Variants in PCDH15 observed in about 807,000 individuals in gnomAD.
The protein encoded by PCDH15 is protocadherin related 15.
PCDH15 carries 129 observed loss-of-function variants against 178.5 expected under a neutral mutation model. That is an observed-to-expected ratio of 0.72 (90% confidence interval 0.63 to 0.84). PCDH15 has a LOEUF of 0.84. Among genes scored for constraint, PCDH15 ranks in the 40% least tolerant of loss-of-function variants. PCDH15 has a pLI of 0.00. For missense variants in PCDH15, 2,230 were observed against 2,099.9 expected, an observed-to-expected ratio of 1.06 and a Z score of -1.21; for synonymous variants, 800 against 732.0, an observed-to-expected ratio of 1.09 and a Z score of -1.50.
intron 15 of PCDH15, among the ~76,000 whole-genome samples, chr10:54,127,734 G>A (rs943635593): frequency 1.3e-5 from 2 of 152,036 alleles, no homozygotes; most frequent in Admixed American, 6.6e-5. Context: ...GTTTGAATAA[G>A]GAATATCAGC....
intron 2 of PCDH15, chr10:54,606,945 T>G (rs539116748): frequency 6.6e-6 from 1 of 152,210 alleles, no homozygotes; most frequent in Non-Finnish European, 1.5e-5. Context: ...CTAAAGCTTT[T>G]AATGAAGAAT....
chr10:54,993,281 T>G (rs934630839), intron 2 of PCDH15, among the ~76,000 whole-genome samples: 4 of 152,210 alleles, frequency 2.6e-5, no homozygotes, highest in Non-Finnish European at 5.9e-5. Flanking sequence ...GAGTTGCTTA[T>G]AGCCAAATTT....
intron 10 of PCDH15, among the ~76,000 whole-genome samples, chr10:54,209,771 G>A (rs930195614): frequency 2.4e-4 from 36 of 152,014 alleles, no homozygotes; most frequent in African/African-American, 8.7e-4. Flanking sequence ...TTGAAAACTA[G>A]CAAATGTCAT....
chr10:54,054,222 A>G (rs2093835995), intron 18 of PCDH15, among the ~76,000 whole-genome samples: 1 of 152,162 alleles, frequency 6.6e-6, no homozygotes, highest in East Asian at 1.9e-4. Context: ...TAAGCATCTC[A>G]ATGTAAGTAA....
chr10:54,832,962 C>T (rs1953250323), intron 3 of PCDH15, among the ~76,000 whole-genome samples: 3 of 151,996 alleles, frequency 2.0e-5, no homozygotes, highest in Admixed American at 2.0e-4. Context: ...GAGAAACTAC[C>T]AGGTTTGTAC....
At chr10:54,426,068 A>G (rs1160704138) in intron 3 of PCDH15, among the ~76,000 whole-genome samples, 1 of 152,166 alleles carries the variant, frequency 6.6e-6, no homozygotes, top group African/African-American at 2.4e-5. Flanking sequence ...CATAAAACAA[A>G]CAGCTATCTA....
chr10:54,717,393 T>G lies in PCDH15; in HGVS notation c.-28-53103A>C, dbSNP rs889865392. 6.8e-5 allele frequency among the ~76,000 whole-genome samples: 9 copies of G among 132,748 alleles called. 1 individual carries two copies. Among genetic ancestry groups the G allele is most frequent in the African/African-American group, 8.8e-5 (3 of 33,946 alleles). 87.1% of individuals were successfully genotyped at this position (132,748 alleles called of 152,430 possible). A position where few individuals can be genotyped will look rare whatever the true frequency, so the allele number is the denominator to read the frequency against. ...AAGGGCTAATATCCAGAATCTACAA[T>G]GAACTCAAACAAATTTACAAGAAAA... is the stretch of plus-strand genomic sequence containing the variant. On this transcript the variant is annotated intron_variant, in intron 1 of 37. Coordinates refer to ENST00000644397, the MANE Select transcript of PCDH15 (RefSeq NM_001384140.1).
At chr10:54,532,116 T>C (rs752079548) in intron 2 of PCDH15, among the ~76,000 whole-genome samples, 18 of 152,324 alleles carry the variant, frequency 1.2e-4, no homozygotes, top group Middle Eastern at 6.8e-3. Context: ...TTTTCCTAAC[T>C]GCTTTCCTTA....
intron 1 of PCDH15, among the ~76,000 whole-genome samples, chr10:55,174,725 G>C (rs1038675290): frequency 6.6e-6 from 1 of 152,118 alleles, no homozygotes; most frequent in Non-Finnish European, 1.5e-5. Flanking sequence ...GATCCATCCT[G>C]TCCTCCCTAT....
chr10:53,944,029 T>C (rs2086310994), intron 23 of PCDH15, among the ~76,000 whole-genome samples: 1 of 152,120 alleles, frequency 6.6e-6, no homozygotes, highest in South Asian at 2.1e-4. Flanking sequence ...GGAGTTGGTA[T>C]AAATCAGGAT....
chr10:55,334,972 A>G (rs182557235), intron 2 of PCDH15, among the ~76,000 whole-genome samples: 25 of 152,314 alleles, frequency 1.6e-4, no homozygotes, highest in Admixed American at 1.3e-3. Context: ...ATTTTCATTA[A>G]TAAAAACCTG....
At chr10:54,806,063 T>C (rs566079715), upstream of PCDH15, among the ~76,000 whole-genome samples, 1 of 152,306 alleles carries the variant, frequency 6.6e-6, no homozygotes, top group Non-Finnish European at 1.5e-5. Flanking sequence ...GAAGTGCAGA[T>C]AATATTTGTA....
chr10:54,568,070 C>T (rs879705070), intron 2 of PCDH15, among the ~76,000 whole-genome samples: 1 of 151,914 alleles, frequency 6.6e-6, no homozygotes, highest in East Asian at 1.9e-4. Context: ...ATCAATTTTG[C>T]ACACCTTGGC....
intron 2 of PCDH15, among the ~76,000 whole-genome samples, chr10:54,609,304 G>T (rs971870818): frequency 2.0e-5 from 3 of 151,938 alleles, no homozygotes; most frequent in Non-Finnish European, 4.4e-5. Context: ...GAACATGTAG[G>T]CTCATAAACT....
chr10:53,955,101 C>T (rs2087479326), intron 23 of PCDH15, among the ~76,000 whole-genome samples: 1 of 152,158 alleles, frequency 6.6e-6, no homozygotes, highest in Admixed American at 6.5e-5. Flanking sequence ...AAATGTAGAC[C>T]CGTACCTGGA....
rs576487346 is a variant in PCDH15, at chr10:54,406,777, G to A, written c.158-27835C>T. Among the ~76,000 whole-genome samples the A allele has an allele frequency of 5.3e-5, 8 of 152,182 alleles. No homozygotes were observed. In the South Asian group the frequency reaches 6.2e-4, roughly 12 times the overall value. On this transcript the variant is annotated intron_variant, in intron 3 of 37. Coordinates refer to ENST00000644397, the MANE Select transcript of PCDH15 (RefSeq NM_001384140.1). ...GAAATTAATCAAAGAAGGAGCAAACGTAAGAGTAAAAGGCCAAACTACAAA... is the reference window on the plus strand; with the variant it reads ...GAAATTAATCAAAGAAGGAGCAAACATAAGAGTAAAAGGCCAAACTACAAA...
chr10:55,592,744 A>AT (rs796534007), intron 2 of PCDH15, among the ~76,000 whole-genome samples: 35 of 152,172 alleles, frequency 2.3e-4, no homozygotes, highest in African/African-American at 7.9e-4. Context: ...TTAGCAGAGT[A>AT]TTTTTTCAAA....
intron 2 of PCDH15, among the ~76,000 whole-genome samples, chr10:54,594,358 C>T (rs11004401): frequency 0.15 from 22,380 of 152,004 alleles, 1,857 homozygotes; most frequent in Non-Finnish European, 0.18. Flanking sequence ...AAGGGGTGAA[C>T]GTAGACTCTG....
At position 54,775,417 on chromosome 10, in the gene PCDH15, G is replaced by A. The variant is rs530810791; in HGVS notation, c.-29+25508C>T. Among the ~76,000 whole-genome samples, 12 of 152,226 alleles carry A rather than the reference G, an allele frequency of 7.9e-5. No individual in the cohort carries two copies. The East Asian group carries it at 2.1e-3, about 27-fold the overall frequency. The stretch of plus-strand genomic sequence containing the variant: ...ATAGTGATGTTTAGATACACACAAC[G>A]TATAGTAATCAGATCAGGGTAATTA... On this transcript the variant is annotated intron_variant, in intron 1 of 37. Coordinates refer to ENST00000644397, the MANE Select transcript of PCDH15 (RefSeq NM_001384140.1).
Sources: allele counts gnomAD v4.1 joint callset (sites outside exome capture counted in the v4.1 genomes callset), GRCh38; gene constraint gnomAD v4.1.1; transcripts MANE v1.5; gene names NCBI Gene and HGNC (gene_info 2026-07-23, HGNC 2026-07-21).